The following SLC16A10 variants were observed in gnomAD, a reference collection of about 807,000 sequenced individuals.
The protein encoded by SLC16A10 is monocarboxylate transporter 10.
SLC16A10 carries 27 observed loss-of-function variants against 40.0 expected under a neutral mutation model. The observed-to-expected ratio is 0.67, with a 90% CI of 0.50 to 0.93. SLC16A10 has a LOEUF of 0.93. Among genes scored for constraint, SLC16A10 ranks in the 40% least tolerant of loss-of-function variants. The pLI is 0.00. For missense variants in SLC16A10, 529 were observed against 658.2 expected (o/e 0.80, Z 2.15); for synonymous variants, 213 against 249.8 (o/e 0.85, Z 1.39).
intron 1 of SLC16A10, among the ~76,000 whole-genome samples, chr6:111,133,493 C>T (rs1222262663): frequency 1.3e-5 from 2 of 152,136 alleles, no homozygotes; most frequent in African/African-American, 4.8e-5. Flanking sequence ...ACCACCTGGC[C>T]ATGATGTCCT....
chr6:111,217,542 C>T (rs1770784344), intron 4 of SLC16A10, among the ~76,000 whole-genome samples: 1 of 152,098 alleles, frequency 6.6e-6, no homozygotes, highest in Non-Finnish European at 1.5e-5. Context: ...CTCCACCCCC[C>T]GGATTCACGC....
At chr6:111,162,820 T>G (rs1230799484) in intron 1 of SLC16A10, among the ~76,000 whole-genome samples, 1 of 152,114 alleles carries the variant, frequency 6.6e-6, no homozygotes, top group Non-Finnish European at 1.5e-5. Context: ...CAGCAATGTT[T>G]TAAGCAAAAA....
chr6:111,213,865 G>A (rs1773381926), intron 4 of SLC16A10, among the ~76,000 whole-genome samples: 1 of 152,216 alleles, frequency 6.6e-6, no homozygotes, highest in Non-Finnish European at 1.5e-5. Context: ...GTTGCCAACT[G>A]TTTTCTGTCC....
Position 111,218,840 on chromosome 6 carries a change from G to A in SLC16A10, c.1113G>A (p.Leu371=), listed in dbSNP as rs761742265. 2.5e-6 allele frequency: 4 copies of A among 1,614,028 alleles called. No homozygotes were observed. Among genetic ancestry groups the A allele is most frequent in the Admixed American group, 1.7e-5 (1 of 60,004 alleles). ...LQVLSFFFIG[L]MSMMIPLCSI... ...TACTCTCCTTTTTCTTCATTGGTCT[G>A]ATGTCCATGATGATTCCTCTGTGTA... Residue 371 remains leucine, a synonymous_variant, in exon 5 of 6, where the codon CTG becomes CTA. Transcript: ENST00000368851.
chr6:111,096,162 A>G (rs1771071116), intron 1 of SLC16A10, among the ~76,000 whole-genome samples: 1 of 152,282 alleles, frequency 6.6e-6, no homozygotes, highest in South Asian at 2.1e-4. Context: ...CCAGCCTGAA[A>G]CTATTTACTA....
intron 1 of SLC16A10, among the ~76,000 whole-genome samples, chr6:111,104,619 G>A (rs371736256): frequency 1.3e-5 from 2 of 152,180 alleles, no homozygotes; most frequent in African/African-American, 4.8e-5. Context: ...CATGTGGAGC[G>A]TTAAGGGTCA....
intron 1 of SLC16A10, among the ~76,000 whole-genome samples, chr6:111,100,959 C>CTCTCT (rs1562397089): frequency 1.1e-3 from 92 of 81,466 alleles, no homozygotes; most frequent in African/African-American, 4.2e-3. Context: ...TCTTTCTCTC[C>CTCTCT]CTCTCTCTCT....
At chr6:111,113,013 A>C (rs990044322) in intron 1 of SLC16A10, among the ~76,000 whole-genome samples, 2 of 152,242 alleles carry the variant, frequency 1.3e-5, no homozygotes, top group Non-Finnish European at 2.9e-5. Context: ...AAGAAAAACC[A>C]ATAAAATGAT....
At chr6:111,209,197 C>T (rs983440630) in intron 4 of SLC16A10, among the ~76,000 whole-genome samples, 12 of 152,186 alleles carry the variant, frequency 7.9e-5, no homozygotes, top group Admixed American at 4.6e-4. Context: ...AGAGTGACAC[C>T]ATGTCTCTAA....
chr6:111,177,495 A>G lies in SLC16A10; in HGVS notation c.772A>G (p.Thr258Ala). ...GFTYRPLATS[T>A]KDKESGGSGS... ...TACTTACCGACCTCTTGCTACCAGT[A>G]CCAAAGATAAAGAGAGTGGAGGTAG... Residue 258 changes from threonine to alanine, a missense_variant, in exon 3 of 6, where the codon ACC (threonine) becomes GCC (alanine). Coordinates refer to ENST00000368851, the MANE Select transcript of SLC16A10 (RefSeq NM_018593.5). The G allele has an allele frequency of 6.2e-7, 1 of 1,614,096 alleles. No homozygotes were observed. The highest frequency in any genetic ancestry group is 8.5e-7 in the Non-Finnish European group (1 of 1,180,016).
chr6:111,124,797 C>T (rs367670038), intron 1 of SLC16A10, among the ~76,000 whole-genome samples: 1 of 152,142 alleles, frequency 6.6e-6, no homozygotes, highest in African/African-American at 2.4e-5. Flanking sequence ...GTAAAAAGTT[C>T]TTTACAGACT....
intron 1 of SLC16A10, among the ~76,000 whole-genome samples, chr6:111,095,681 T>G (rs1771061814): frequency 6.6e-6 from 1 of 152,174 alleles, no homozygotes; most frequent in Admixed American, 6.5e-5. Context: ...GGGGCAGGTT[T>G]TCCTGTGCTG....
At chr6:111,190,808 C>G (rs1244036842) in intron 3 of SLC16A10, among the ~76,000 whole-genome samples, 1 of 152,198 alleles carries the variant, frequency 6.6e-6, no homozygotes, top group African/African-American at 2.4e-5. Flanking sequence ...AGCAGGGGGA[C>G]TCTGGGCCTG....
At chr6:111,207,803 A>G (rs1773279788) in intron 4 of SLC16A10, among the ~76,000 whole-genome samples, 1 of 152,148 alleles carries the variant, frequency 6.6e-6, no homozygotes, top group Non-Finnish European at 1.5e-5. Context: ...TGGGAAACAA[A>G]TGTTTGAATG....
intron 1 of SLC16A10, among the ~76,000 whole-genome samples, chr6:111,170,078 C>T (rs537678605): frequency 1.5e-4 from 22 of 151,622 alleles, no homozygotes; most frequent in African/African-American, 4.1e-4. Flanking sequence ...CCAACACGGG[C>T]GGCTAATTTT....
At chr6:111,141,883 C>G (rs923917311) in intron 1 of SLC16A10, among the ~76,000 whole-genome samples, 1 of 152,184 alleles carries the variant, frequency 6.6e-6, no homozygotes, top group African/African-American at 2.4e-5. Context: ...TCATCTTTAT[C>G]TATAGATTCA....
intron 1 of SLC16A10, among the ~76,000 whole-genome samples, chr6:111,146,504 A>G (rs999397316): frequency 6.6e-6 from 1 of 152,186 alleles, no homozygotes; most frequent in Non-Finnish European, 1.5e-5. Flanking sequence ...ACTTTGGCCA[A>G]GGTGGGTGGA....
intron 1 of SLC16A10, among the ~76,000 whole-genome samples, chr6:111,102,997 C>G (rs62421922): frequency 0.1 from 15,151 of 152,136 alleles, 881 homozygotes; most frequent in Non-Finnish European, 0.14. Flanking sequence ...CCTTGACTTC[C>G]CAGGCTCAAG....
rs112095715 is a variant in SLC16A10, at chr6:111,124,911, A to C, written c.343+36816A>C. 2.7e-3 allele frequency among the ~76,000 whole-genome samples: 415 copies of C among 152,274 alleles called. 4 individuals are homozygous for C. Among genetic ancestry groups the C allele is most frequent in the African/African-American group, 9.5e-3 (393 of 41,556 alleles). On this transcript the variant is annotated intron_variant, in intron 1 of 5. Transcript: ENST00000368851. ...TAACTGTCAGAGTTCAAGGTCAGTT[A>C]ATTGTACATTTTCTGGGAGTTTTTC...
Sources: gnomAD v4.1 joint callset for allele counts (sites outside exome capture counted in the v4.1 genomes callset) on GRCh38, gnomAD v4.1.1 for gene constraint, MANE v1.5 for transcripts, NCBI Gene and HGNC (gene_info 2026-07-23, HGNC 2026-07-21) for gene names.